PTPN14: variants seen among roughly 807,000 people sequenced by gnomAD.
PTPN14 encodes the protein tyrosine-protein phosphatase non-receptor type 14.
PTPN14 carries 53 observed loss-of-function variants against 126.8 expected under a neutral mutation model. The observed-to-expected ratio is 0.42, with a 90% CI of 0.34 to 0.53. The LOEUF (loss-of-function observed/expected upper bound fraction) is 0.53. Ranked by LOEUF, PTPN14 falls within the 20% of genes least tolerant of loss-of-function variation. The pLI is 0.08. For synonymous variants in PTPN14, 630 were observed against 599.3 expected, an observed-to-expected ratio of 1.05 and a Z score of -0.75; for missense variants, 1,257 against 1,552.9, an observed-to-expected ratio of 0.81 and a Z score of 3.20.
chr1:214,369,325 T>C lies in PTPN14; in HGVS notation c.3271+132A>G, dbSNP rs3002311. The C allele has an allele frequency of 0.78, 597,749 of 766,546 alleles. 234,695 individuals carry two copies. The highest frequency in any genetic ancestry group is 0.93 in the African/African-American group (53,191 of 57,006). The allele number at this position is 766,546 out of a possible 1,614,324, so 47.5% of individuals were successfully genotyped here. A position where few individuals can be genotyped will look rare whatever the true frequency, so the allele number is the denominator to read the frequency against. On this transcript the variant is annotated intron_variant, in intron 17 of 18. Coordinates refer to ENST00000366956, the MANE Select transcript of PTPN14 (RefSeq NM_005401.5). ...TTCTACATAGTAAGAAAGGAATATATATTTCAATATTATAATACTTTTGCC... is the reference window on the plus strand; with the variant it reads ...TTCTACATAGTAAGAAAGGAATATACATTTCAATATTATAATACTTTTGCC...
intron 1 of PTPN14, among the ~76,000 whole-genome samples, chr1:214,517,125 T>C (rs987752567): frequency 6.6e-6 from 1 of 152,180 alleles, no homozygotes; most frequent in Non-Finnish European, 1.5e-5. Flanking sequence ...CCTCTAAGCC[T>C]TTACAATGTC....
intron 3 of PTPN14, among the ~76,000 whole-genome samples, chr1:214,449,615 C>T (rs966253543): frequency 1.3e-5 from 2 of 152,130 alleles, no homozygotes; most frequent in Non-Finnish European, 2.9e-5. Context: ...GATTCAAAAG[C>T]CAACGGAAAT....
At chr1:214,548,521 C>A (rs1558150769) in intron 1 of PTPN14, among the ~76,000 whole-genome samples, 1 of 152,272 alleles carries the variant, frequency 6.6e-6, no homozygotes, top group East Asian at 1.9e-4. Context: ...TCTAACAAAG[C>A]TCACAGCACT....
intron 3 of PTPN14, among the ~76,000 whole-genome samples, chr1:214,425,907 G>A (rs1443284852): frequency 2.6e-5 from 4 of 151,866 alleles, no homozygotes; most frequent in African/African-American, 7.3e-5. Flanking sequence ...ACGGGGAAAC[G>A]GAGGCTCCCA....
chr1:214,411,073 C>T (rs930369740), intron 5 of PTPN14, among the ~76,000 whole-genome samples: 5 of 152,114 alleles, frequency 3.3e-5, no homozygotes, highest in Non-Finnish European at 7.4e-5. Flanking sequence ...TTCCAATCCA[C>T]GAAGATGGGG....
At chr1:214,480,923 G>A (rs1660969977) in intron 1 of PTPN14, among the ~76,000 whole-genome samples, 1 of 152,148 alleles carries the variant, frequency 6.6e-6, no homozygotes, top group East Asian at 1.9e-4. Context: ...CAGATATGCT[G>A]GGCGGCTGGG....
At chr1:214,393,591 CAAGGAAA>C (rs1358220745) in intron 10 of PTPN14, 97 bp downstream of exon 10, 3 of 946,876 alleles carry the variant, frequency 3.2e-6, no homozygotes, top group African/African-American at 1.7e-5. Context: ...CTACAAGGAA[CAAGGAAA>C]AAGAGTGAAT....
chr1:214,501,129 G>C (rs186392890), intron 1 of PTPN14, among the ~76,000 whole-genome samples: 224 of 152,332 alleles, frequency 1.5e-3, no homozygotes, highest in Non-Finnish European at 2.6e-3. Flanking sequence ...TCATGGAGCT[G>C]GGTAAAATGC....
At chr1:214,534,183 C>CA (rs1655636610) in intron 1 of PTPN14, among the ~76,000 whole-genome samples, 1 of 152,180 alleles carries the variant, frequency 6.6e-6, no homozygotes, top group African/African-American at 2.4e-5. Context: ...CTGCTATAAG[C>CA]TGATAGTTTT....
At chr1:214,527,099 G>GA (rs111756250) in intron 1 of PTPN14, among the ~76,000 whole-genome samples, 2,905 of 127,550 alleles carry the variant, frequency 0.023, 56 homozygotes, top group African/African-American at 0.064. Context: ...CTCCAAAAAA[G>GA]AAAAAAAAAA....
intron 1 of PTPN14, among the ~76,000 whole-genome samples, chr1:214,492,134 A>G (rs1469045784): frequency 6.6e-6 from 1 of 152,160 alleles, no homozygotes; most frequent in Non-Finnish European, 1.5e-5. Flanking sequence ...AATTCATTTA[A>G]TGAAGACACA....
chr1:214,452,651 A>G (rs957372775), intron 2 of PTPN14, among the ~76,000 whole-genome samples: 3 of 152,196 alleles, frequency 2.0e-5, no homozygotes, highest in Non-Finnish European at 4.4e-5. Context: ...GGGATTTGTT[A>G]GATGAAAGTG....
At chr1:214,459,400 G>A (rs1207449708) in intron 2 of PTPN14, among the ~76,000 whole-genome samples, 19 of 150,756 alleles carry the variant, frequency 1.3e-4, no homozygotes, top group African/African-American at 4.2e-4. Context: ...CGATCTGCCC[G>A]CCTCAGCCTC....
chr1:214,459,216 A>T lies in PTPN14; in HGVS notation c.174+5414T>A, dbSNP rs1460083770. ...GGCTGCAGTGCAGTGGCACAATCTC[A>T]ATCTCGCCTCACTGCAACCTCCACC... On this transcript the variant is annotated intron_variant, in intron 2 of 18. Coordinates refer to ENST00000366956, the MANE Select transcript of PTPN14 (RefSeq NM_005401.5). Among the ~76,000 whole-genome samples the T allele has an allele frequency of 2.1e-5, 3 of 144,408 alleles. No homozygotes were observed. In the Admixed American group the frequency reaches 2.1e-4, roughly 10 times the overall value. 94.7% of individuals were successfully genotyped at this position (144,408 alleles called of 152,430 possible). A position where few individuals can be genotyped will look rare whatever the true frequency, so the allele number is the denominator to read the frequency against.
At position 214,372,710 on chromosome 1, in the gene PTPN14, C is replaced by A; in HGVS notation, c.3036+1G>T. 1 of 1,614,126 alleles carries A rather than the reference C, an allele frequency of 6.2e-7. No homozygotes were observed. The highest frequency in any genetic ancestry group is 8.5e-7 in the Non-Finnish European group (1 of 1,179,994). ...GATGTGGAGTAGGCCATTCCCCTTA[C>A]CTCCTCTGCAGTGACCATGGCAATC... On this transcript the variant is annotated splice_donor_variant, in intron 16 of 18. Transcript: ENST00000366956. LOFTEE classifies it high-confidence loss of function.
chr1:214,460,219 G>C (rs1013389024), intron 2 of PTPN14, among the ~76,000 whole-genome samples: 1 of 152,132 alleles, frequency 6.6e-6, no homozygotes, highest in African/African-American at 2.4e-5. Context: ...TATGGAAACT[G>C]CTCAGCAGAG....
At chr1:214,459,626 C>T (rs947985706) in intron 2 of PTPN14, among the ~76,000 whole-genome samples, 8 of 152,068 alleles carry the variant, frequency 5.3e-5, no homozygotes, top group East Asian at 1.9e-4. Context: ...TGTGCCACCA[C>T]GCCCAGCTAA....
chr1:214,369,367 C>T (rs2102517197), intron 17 of PTPN14, 90 bp downstream of exon 17: 1 of 1,235,958 alleles, frequency 8.1e-7, no homozygotes, highest in Non-Finnish European at 1.2e-6. Context: ...GAGAAAGCAT[C>T]CTCTTTTTCC....
At chr1:214,535,544 G>A (rs59160493) in intron 1 of PTPN14, among the ~76,000 whole-genome samples, 2,483 of 152,282 alleles carry the variant, frequency 0.016, 22 homozygotes, top group South Asian at 0.03. Flanking sequence ...TTGGGAGGCT[G>A]AGGAGGGCAG....
Sources: allele counts gnomAD v4.1 joint callset (sites outside exome capture counted in the v4.1 genomes callset), GRCh38; gene constraint gnomAD v4.1.1; transcripts MANE v1.5; gene names NCBI Gene and HGNC (gene_info 2026-07-23, HGNC 2026-07-21).